Variants in ITPR1 observed in about 807,000 individuals in gnomAD.
ITPR1 encodes the protein inositol 1,4,5-trisphosphate receptor type 1, also known as inositol 1,4,5-trisphosphate-gated calcium channel ITPR1.
In ITPR1, 96 loss-of-function variants were observed where a neutral mutation model predicts 318.4. That is an observed-to-expected ratio of 0.30 (90% CI 0.26 to 0.36). The LOEUF (loss-of-function observed/expected upper bound fraction) is 0.36, where lower values mean the gene tolerates loss of function less well. ITPR1 is among the 10% of genes least tolerant of loss of function. The pLI is 1.00. For missense variants in ITPR1, 2,440 were observed against 3,460.2 expected (o/e 0.71, Z 7.40); for synonymous variants, 1,312 against 1,289.9 (o/e 1.02, Z -0.37).
chr3:4,681,310 G>A, intron 25 of ITPR1, 54 bp from the exon 26 acceptor site: 1 of 1,245,828 alleles, frequency 8.0e-7, no homozygotes, highest in Non-Finnish European at 1.2e-6. Flanking sequence ...GAGTTCACCA[G>A]CAGCATGTTT....
intron 4 of ITPR1, among the ~76,000 whole-genome samples, chr3:4,529,418 A>G (rs1353695633): frequency 1.3e-5 from 2 of 152,204 alleles, no homozygotes; most frequent in South Asian, 2.1e-4. Flanking sequence ...ATATTGTTAT[A>G]TGGTTCTCCT....
intron 4 of ITPR1, among the ~76,000 whole-genome samples, chr3:4,524,469 C>G (rs1428208466): frequency 6.6e-6 from 1 of 152,072 alleles, no homozygotes; most frequent in Non-Finnish European, 1.5e-5. Context: ...AGTCCATTTC[C>G]TCATGGACTC....
At chr3:4,794,338 G>C (rs2047756880) in intron 52 of ITPR1, among the ~76,000 whole-genome samples, 1 of 152,170 alleles carries the variant, frequency 6.6e-6, no homozygotes, top group Non-Finnish European at 1.5e-5. Context: ...TCTGTCTCTT[G>C]CCCCTTTGTG....
chr3:4,713,867 C>T (rs1341309537), intron 39 of ITPR1, among the ~76,000 whole-genome samples: 1 of 152,116 alleles, frequency 6.6e-6, no homozygotes, highest in East Asian at 1.9e-4. Context: ...TGAATGTGAA[C>T]AAACTATAGG....
At chr3:4,778,272 C>A (rs2046606228) in intron 48 of ITPR1, among the ~76,000 whole-genome samples, 1 of 152,198 alleles carries the variant, frequency 6.6e-6, no homozygotes, top group East Asian at 1.9e-4. Context: ...AACATGTTAG[C>A]CTTTCTGGAC....
At chr3:4,701,348 A>T (rs2094648324) in intron 35 of ITPR1, among the ~76,000 whole-genome samples, 1 of 152,206 alleles carries the variant, frequency 6.6e-6, no homozygotes, top group Non-Finnish European at 1.5e-5. Context: ...CTTAGCACAG[A>T]GCCTGGCATG....
chr3:4,830,241 G>A lies in ITPR1; in HGVS notation c.8029-6533G>A, dbSNP rs561344033. On this transcript the variant is annotated intron_variant, in intron 60 of 61. Transcript: ENST00000649015. ...TCCGTCCACCTCAGCCTCCCAAAGC[G>A]CTGGGATTACAGGCGTGAGCCACCA... Among the ~76,000 whole-genome samples, 90 of 152,092 alleles carry A rather than the reference G, an allele frequency of 5.9e-4. 1 individual carries two copies. Among genetic ancestry groups the A allele is most frequent in the African/African-American group, 2.1e-3 (86 of 41,498 alleles).
intron 59 of ITPR1, among the ~76,000 whole-genome samples, chr3:4,815,929 C>T (rs1043392187): frequency 2.5e-4 from 38 of 151,866 alleles, no homozygotes; most frequent in African/African-American, 9.0e-4. Flanking sequence ...CAAAGAATTT[C>T]TATATATTCT....
intron 18 of ITPR1, among the ~76,000 whole-genome samples, chr3:4,668,234 T>A (rs868660972): frequency 1.7e-3 from 259 of 149,788 alleles, no homozygotes; most frequent in African/African-American, 5.7e-3. Context: ...TTTTTTTTTT[T>A]ACCTGTTAAC....
chr3:4,839,822 A>AT (rs1157728322), intron 61 of ITPR1, among the ~76,000 whole-genome samples: 1 of 152,160 alleles, frequency 6.6e-6, no homozygotes, highest in African/African-American at 2.4e-5. Flanking sequence ...CCTTTTATGC[A>AT]TTTTTTATTT....
intron 46 of ITPR1, among the ~76,000 whole-genome samples, chr3:4,770,620 G>A (rs1011825217): frequency 6.6e-6 from 1 of 152,134 alleles, no homozygotes; most frequent in African/African-American, 2.4e-5. Flanking sequence ...TTCAGCCTGT[G>A]GTGCTCCCTG....
chr3:4,619,048 G>T (rs2092494759), intron 4 of ITPR1, among the ~76,000 whole-genome samples: 3 of 152,162 alleles, frequency 2.0e-5, no homozygotes, highest in Admixed American at 6.5e-5. Flanking sequence ...CAGAATTCTA[G>T]ATTGAGAATT....
chr3:4,541,674 G>A (rs2084460083), intron 4 of ITPR1, among the ~76,000 whole-genome samples: 2 of 151,716 alleles, frequency 1.3e-5, no homozygotes, highest in Non-Finnish European at 2.9e-5. Flanking sequence ...TTGCCAGGCT[G>A]GAGTGCAGTG....
At chr3:4,526,767 G>A (rs1053930048) in intron 4 of ITPR1, among the ~76,000 whole-genome samples, 1 of 152,220 alleles carries the variant, frequency 6.6e-6, no homozygotes, top group Non-Finnish European at 1.5e-5. Context: ...TTCTTAGAAT[G>A]ATTATCATTC....
intron 20 of ITPR1, among the ~76,000 whole-genome samples, chr3:4,672,692 T>G (rs1205692165): frequency 6.6e-6 from 1 of 152,236 alleles, no homozygotes; most frequent in Non-Finnish European, 1.5e-5. Flanking sequence ...ATAAGATCTT[T>G]AAAATGTTAT....
At position 4,725,723 on chromosome 3, in the gene ITPR1, G is replaced by A. The variant is rs547177945; in HGVS notation, c.5172+142G>A. 335 of 715,850 alleles carry A rather than the reference G, an allele frequency of 4.7e-4. 4 individuals are homozygous for A. Among genetic ancestry groups the A allele is most frequent in the South Asian group, 4.5e-3 (279 of 62,666 alleles). 44.3% of individuals were successfully genotyped at this position (715,850 alleles called of 1,614,324 possible). A position where few individuals can be genotyped will look rare whatever the true frequency, so the allele number is the denominator to read the frequency against. On this transcript the variant is annotated intron_variant, in intron 41 of 61. Coordinates refer to ENST00000649015, the MANE Select transcript of ITPR1 (RefSeq NM_001378452.1). Reference sequence around the variant, plus strand: ...GGAGGGAGGTCTCTAGGCTGGCTGGGAACAGATCATTGCTGACGTGGATGT... The same window carrying A: ...GGAGGGAGGTCTCTAGGCTGGCTGGAAACAGATCATTGCTGACGTGGATGT...
chr3:4,800,639 A>G (rs1238909419), intron 54 of ITPR1, 39 bp downstream of exon 54: 1 of 1,596,686 alleles, frequency 6.3e-7, no homozygotes, highest in Non-Finnish European at 8.6e-7. Context: ...TTTTGTTTGC[A>G]GATTAATAGG....
intron 25 of ITPR1, 57 bp from the exon 26 acceptor site, chr3:4,681,306 AC>A (rs2094294158): frequency 1.7e-6 from 2 of 1,206,360 alleles, no homozygotes; most frequent in African/African-American, 3.0e-5. Flanking sequence ...GGATGAGTTC[AC>A]CAGCAGCATG....
At chr3:4,835,229 G>T (rs371092400) in intron 60 of ITPR1, among the ~76,000 whole-genome samples, 8 of 151,824 alleles carry the variant, frequency 5.3e-5, no homozygotes, top group East Asian at 1.9e-4. Context: ...TATATTGCTA[G>T]ATGGCCCTAG....
Sources: allele counts gnomAD v4.1 joint callset (sites outside exome capture counted in the v4.1 genomes callset), GRCh38; gene constraint gnomAD v4.1.1; transcripts MANE v1.5; gene names NCBI Gene and HGNC (gene_info 2026-07-23, HGNC 2026-07-21).